Variants in MYO3A observed in about 807,000 individuals in gnomAD.
The protein encoded by MYO3A is myosin-IIIa.
A neutral mutation model predicts 192.7 loss-of-function variants in MYO3A; 180 were observed. The observed-to-expected ratio is 0.93, with a 90% confidence interval of 0.83 to 1.06. MYO3A has a LOEUF of 1.06. MYO3A is among the 50% of genes least tolerant of loss of function. MYO3A has a pLI of 0.00. For synonymous variants in MYO3A, 628 were observed against 645.3 expected (o/e 0.97, Z 0.41); for missense variants, 1,896 against 1,905.0 (o/e 1.00, Z 0.09).
At position 26,151,011 on chromosome 10, in the gene MYO3A, A is replaced by C. The variant is rs1415348143; in HGVS notation, c.2636-2839A>C. ...TTCAAATATTATTTATGGACTTCTA[A>C]TTTAACTTCATAGTGTTCAGAGAGC... On this transcript the variant is annotated intron_variant, in intron 23 of 34. Coordinates refer to ENST00000642920, the MANE Select transcript of MYO3A (RefSeq NM_017433.5). 3.3e-5 allele frequency among the ~76,000 whole-genome samples: 5 copies of C among 152,296 alleles called. No individual in the cohort carries two copies. The East Asian group carries it at 9.6e-4, about 29-fold the overall frequency.
chr10:26,203,240 G>T, intron 34 of MYO3A, 133 bp downstream of exon 34: 1 of 1,017,972 alleles, frequency 9.8e-7, no homozygotes, highest in Non-Finnish European at 1.5e-6. Flanking sequence ...GAGTGATATG[G>T]TGTTTAAAAG....
intron 23 of MYO3A, among the ~76,000 whole-genome samples, chr10:26,152,414 TGTTAGA>T (rs1489749854): frequency 6.6e-6 from 1 of 152,172 alleles, no homozygotes; most frequent in African/African-American, 2.4e-5. Flanking sequence ...CAATGGAAAA[TGTTAGA>T]GTTAGAGTTC....
At chr10:26,201,211 A>C in intron 32 of MYO3A, 54 bp from the exon 33 acceptor site, 1 of 990,862 alleles carries the variant, frequency 1.0e-6, no homozygotes, top group Non-Finnish European at 1.4e-6. Context: ...TTATATATCC[A>C]TTATATTAAG....
intron 4 of MYO3A, among the ~76,000 whole-genome samples, chr10:25,991,429 G>A (rs1269445865): frequency 3.3e-5 from 5 of 152,224 alleles, no homozygotes; most frequent in African/African-American, 1.2e-4. Flanking sequence ...TGTCAGATGA[G>A]TAGATTGCAA....
At chr10:26,176,469 C>T (rs981677078) in intron 30 of MYO3A, among the ~76,000 whole-genome samples, 3 of 152,142 alleles carry the variant, frequency 2.0e-5, no homozygotes, top group Admixed American at 6.5e-5. Context: ...TGTAGCATGA[C>T]GTGCTTGGCA....
chr10:25,976,183 C>T (rs1838954863), intron 4 of MYO3A, among the ~76,000 whole-genome samples: 2 of 152,316 alleles, frequency 1.3e-5, no homozygotes, highest in South Asian at 4.1e-4. Flanking sequence ...TGGAAACATA[C>T]AGCAGTGTCT....
chr10:26,089,680 G>A (rs1338773800), intron 15 of MYO3A, among the ~76,000 whole-genome samples: 1 of 151,790 alleles, frequency 6.6e-6, no homozygotes, highest in Admixed American at 6.6e-5. Flanking sequence ...AATCCACTTT[G>A]GGTAAGATAT....
chr10:25,992,394 C>G (rs1425071379), intron 4 of MYO3A, among the ~76,000 whole-genome samples: 1 of 152,212 alleles, frequency 6.6e-6, no homozygotes, highest in East Asian at 1.9e-4. Flanking sequence ...TGCTTATCAA[C>G]TTAAGGAGAT....
At chr10:26,189,591 G>A (rs1843029244) in intron 31 of MYO3A, among the ~76,000 whole-genome samples, 1 of 152,216 alleles carries the variant, frequency 6.6e-6, no homozygotes, top group Admixed American at 6.5e-5. Flanking sequence ...CAGGGCTTCA[G>A]TGAGATAACT....
intron 6 of MYO3A, among the ~76,000 whole-genome samples, chr10:26,002,205 A>T (rs1436460036): frequency 6.6e-6 from 1 of 152,220 alleles, no homozygotes; most frequent in East Asian, 1.9e-4. Flanking sequence ...TTGACCAGTT[A>T]CACACATGAT....
At chr10:26,171,332 G>C (rs903294575) in intron 29 of MYO3A, among the ~76,000 whole-genome samples, 3 of 151,990 alleles carry the variant, frequency 2.0e-5, no homozygotes, top group Non-Finnish European at 4.4e-5. Flanking sequence ...GCCATAGAAA[G>C]GGTGAAGGAA....
intron 4 of MYO3A, among the ~76,000 whole-genome samples, chr10:25,964,091 T>C (rs1306751099): frequency 6.6e-6 from 1 of 152,154 alleles, no homozygotes; most frequent in Non-Finnish European, 1.5e-5. Context: ...TTGATTACAT[T>C]ACTAGTGTGC....
chr10:26,140,203 C>A (rs1840069808), intron 20 of MYO3A, among the ~76,000 whole-genome samples: 1 of 152,172 alleles, frequency 6.6e-6, no homozygotes, highest in Non-Finnish European at 1.5e-5. Context: ...CGCTTGCAGC[C>A]TGTCTCAGCC....
At chr10:26,181,670 A>T (rs1842623677) in intron 31 of MYO3A, among the ~76,000 whole-genome samples, 1 of 152,158 alleles carries the variant, frequency 6.6e-6, no homozygotes, top group Non-Finnish European at 1.5e-5. Context: ...GCAAGTATGA[A>T]AAAATATTTT....
At chr10:26,032,842 G>A (rs538041469) in intron 10 of MYO3A, among the ~76,000 whole-genome samples, 23 of 152,248 alleles carry the variant, frequency 1.5e-4, no homozygotes, top group Admixed American at 7.2e-4. Flanking sequence ...TTCTGGGCAA[G>A]ATAATTTTTC....
chr10:26,131,680 A>G (rs867714542), intron 20 of MYO3A, among the ~76,000 whole-genome samples: 2 of 152,198 alleles, frequency 1.3e-5, no homozygotes, highest in African/African-American at 4.8e-5. Context: ...TAAAATATGT[A>G]GCTCCTAAAA....
intron 4 of MYO3A, among the ~76,000 whole-genome samples, chr10:25,992,365 C>T (rs530161341): frequency 6.6e-6 from 1 of 152,320 alleles, no homozygotes; most frequent in East Asian, 1.9e-4. Context: ...GATTTTGTAT[C>T]CTGAGCCTTT....
chr10:26,193,113 T>C (rs190722446), intron 31 of MYO3A, 92 bp from the exon 32 acceptor site: 32 of 1,004,198 alleles, frequency 3.2e-5, no homozygotes, highest in Non-Finnish European at 4.9e-5. Flanking sequence ...CTCAGTCATA[T>C]GTGTATAATT....
At chr10:25,972,283 G>A (rs1838699989) in intron 4 of MYO3A, among the ~76,000 whole-genome samples, 1 of 151,204 alleles carries the variant, frequency 6.6e-6, no homozygotes, top group Non-Finnish European at 1.5e-5. Flanking sequence ...CTTTTTTTAT[G>A]AATGATGAGT....
Sources: gnomAD v4.1 joint callset for allele counts (sites outside exome capture counted in the v4.1 genomes callset) on GRCh38, gnomAD v4.1.1 for gene constraint, MANE v1.5 for transcripts, NCBI Gene and HGNC (gene_info 2026-07-23, HGNC 2026-07-21) for gene names.